Variants in OSBPL8 observed in about 807,000 individuals in gnomAD.
OSBPL8 encodes oxysterol binding protein like 8.
OSBPL8 carries 59 observed loss-of-function variants against 125.5 expected under a neutral mutation model. The ratio of observed to expected loss-of-function variants is 0.47; its 90% CI spans 0.38 to 0.58. The LOEUF (loss-of-function observed/expected upper bound fraction) is 0.58. Among genes scored for constraint, OSBPL8 ranks in the 20% least tolerant of loss-of-function variants. The pLI, the probability that OSBPL8 is intolerant of heterozygous loss-of-function variation, is 0.00. For synonymous variants in OSBPL8, 330 were observed against 338.9 expected (o/e 0.97, Z 0.29); for missense variants, 758 against 1,047.8 (o/e 0.72, Z 3.82).
At chr12:76,413,181 A>G (rs569038558) in intron 4 of OSBPL8, among the ~76,000 whole-genome samples, 92 of 152,344 alleles carry the variant, frequency 6.0e-4, no homozygotes, top group African/African-American at 2.1e-3. Context: ...TGTATAACAG[A>G]GAATACTTAC....
intron 6 of OSBPL8, among the ~76,000 whole-genome samples, chr12:76,401,627 T>C (rs1414120814): frequency 6.6e-6 from 1 of 152,200 alleles, no homozygotes; most frequent in Non-Finnish European, 1.5e-5. Flanking sequence ...GCTATTTTTT[T>C]AACCACTGGC....
intron 1 of OSBPL8, among the ~76,000 whole-genome samples, chr12:76,519,682 C>T (rs1881881455): frequency 6.6e-6 from 1 of 152,140 alleles, no homozygotes; most frequent in Non-Finnish European, 1.5e-5. Flanking sequence ...GTGACCACAT[C>T]CGCTTTTGGT....
intron 5 of OSBPL8, among the ~76,000 whole-genome samples, chr12:76,409,641 C>A (rs1351311852): frequency 6.6e-6 from 1 of 152,118 alleles, no homozygotes; most frequent in African/African-American, 2.4e-5. Flanking sequence ...TATATAAATA[C>A]AAAGTACTTT....
intron 8 of OSBPL8, 31 bp downstream of exon 8, chr12:76,397,663 C>A (rs764184713): frequency 1.6e-5 from 25 of 1,587,916 alleles, no homozygotes; most frequent in Non-Finnish European, 2.1e-5. Context: ...ATCATCTTTA[C>A]CTTTCACCTA....
At chr12:76,424,846 A>C (rs1161149702) in intron 4 of OSBPL8, among the ~76,000 whole-genome samples, 1 of 152,176 alleles carries the variant, frequency 6.6e-6, no homozygotes. Flanking sequence ...AAAAAAATAA[A>C]CAAATATCTA....
intron 10 of OSBPL8, among the ~76,000 whole-genome samples, chr12:76,392,191 G>A (rs755474662): frequency 3.3e-5 from 5 of 152,170 alleles, no homozygotes; most frequent in African/African-American, 1.2e-4. Context: ...TCTATAGAAA[G>A]ACAGATTATG....
At position 76,473,788 on chromosome 12, in the gene OSBPL8, C is replaced by T. The variant is rs772149338; in HGVS notation, c.42+13722G>A. 7.4e-4 allele frequency among the ~76,000 whole-genome samples: 113 copies of T among 152,068 alleles called. 2 individuals carry two copies. The highest frequency in any genetic ancestry group is 2.0e-4 in the Admixed American group (3 of 15,258). ...CCCTGTATGATCTGATTCAAAGAGA[C>T]GCAATATAGGAAAGTGATTAAAGGT... On this transcript the variant is annotated intron_variant, in intron 2 of 23. Coordinates refer to ENST00000261183, the MANE Select transcript of OSBPL8 (RefSeq NM_020841.5).
chr12:76,458,132 T>C (rs1193467811), intron 3 of OSBPL8, among the ~76,000 whole-genome samples: 1 of 151,868 alleles, frequency 6.6e-6, no homozygotes, highest in Non-Finnish European at 1.5e-5. Context: ...AAAAAAAATT[T>C]AGCTGGGCAC....
intron 1 of OSBPL8, among the ~76,000 whole-genome samples, chr12:76,515,691 G>A (rs1237143979): frequency 6.6e-6 from 1 of 151,936 alleles, no homozygotes; most frequent in Non-Finnish European, 1.5e-5. Context: ...CAAATTCCCT[G>A]AGCAGGGGAG....
At chr12:76,439,379 C>CA (rs1000663742) in intron 4 of OSBPL8, among the ~76,000 whole-genome samples, 547 of 135,168 alleles carry the variant, frequency 4.0e-3, no homozygotes, top group Middle Eastern at 0.015. Flanking sequence ...ACTCCATCTC[C>CA]AAAAAAAAAA....
At chr12:76,478,674 A>G (rs1338017379) in intron 2 of OSBPL8, among the ~76,000 whole-genome samples, 1 of 152,252 alleles carries the variant, frequency 6.6e-6, no homozygotes, top group Non-Finnish European at 1.5e-5. Flanking sequence ...TGCAATCTTT[A>G]GTACTCACAC....
At chr12:76,445,023 T>C (rs1479908880) in intron 4 of OSBPL8, among the ~76,000 whole-genome samples, 1 of 152,200 alleles carries the variant, frequency 6.6e-6, no homozygotes, top group Non-Finnish European at 1.5e-5. Flanking sequence ...ATAGGATCCA[T>C]GTGTTCTCTG....
chr12:76,550,605 A>G (rs1381883113), intron 1 of OSBPL8, among the ~76,000 whole-genome samples: 1 of 152,182 alleles, frequency 6.6e-6, no homozygotes, highest in Admixed American at 6.5e-5. Context: ...AAACAAAAAA[A>G]TCTCCTTATG....
At position 76,466,724 on chromosome 12, in the gene OSBPL8, C is replaced by T. The variant is rs111307758; in HGVS notation, c.43-6829G>A. ...CTGTAATCCCAGCACTTTAGGAGGCCGAAGCGGGTGGATCATTTGAGGTCA... is the reference window on the plus strand; with the variant it reads ...CTGTAATCCCAGCACTTTAGGAGGCTGAAGCGGGTGGATCATTTGAGGTCA... On this transcript the variant is annotated intron_variant, in intron 2 of 23. Transcript: ENST00000261183. Among the ~76,000 whole-genome samples the T allele has an allele frequency of 5.9e-3, 898 of 152,124 alleles. 4 individuals carry two copies. Among genetic ancestry groups the T allele is most frequent in the African/African-American group, 0.019 (799 of 41,506 alleles).
intron 1 of OSBPL8, among the ~76,000 whole-genome samples, chr12:76,493,223 G>C (rs1036304964): frequency 3.3e-5 from 5 of 152,208 alleles, no homozygotes; most frequent in African/African-American, 1.2e-4. Flanking sequence ...CATAATGTGT[G>C]TGTAAGCTTT....
At chr12:76,362,525 C>T (rs1035966230) in intron 21 of OSBPL8, among the ~76,000 whole-genome samples, 29 of 152,112 alleles carry the variant, frequency 1.9e-4, no homozygotes, top group African/African-American at 7.0e-4. Flanking sequence ...ATCTATGGAA[C>T]GTATCTCAAA....
At chr12:76,386,743 G>T in intron 12 of OSBPL8, 83 bp from the exon 13 acceptor site, 1 of 898,432 alleles carries the variant, frequency 1.1e-6, no homozygotes, top group African/African-American at 1.7e-5. Context: ...AACCGAGTAT[G>T]AAACATGATT....
intron 2 of OSBPL8, among the ~76,000 whole-genome samples, chr12:76,474,916 T>C (rs1292924995): frequency 6.6e-6 from 1 of 152,236 alleles, no homozygotes; most frequent in Non-Finnish European, 1.5e-5. Context: ...AGTTGACTTC[T>C]GAACCGGTGA....
chr12:76,460,154 A>G (rs1874543228), intron 2 of OSBPL8, among the ~76,000 whole-genome samples: 2 of 152,248 alleles, frequency 1.3e-5, no homozygotes, highest in African/African-American at 2.4e-5. Context: ...GGTAAGAGAA[A>G]AATGGATCAC....
Sources: gnomAD v4.1 joint callset for allele counts (sites outside exome capture counted in the v4.1 genomes callset) on GRCh38, gnomAD v4.1.1 for gene constraint, MANE v1.5 for transcripts, NCBI Gene and HGNC (gene_info 2026-07-23, HGNC 2026-07-21) for gene names.